Variants in NR2C2 observed in about 807,000 individuals in gnomAD.
NR2C2 encodes the protein Nuclear hormone receptor TR4.
Under a neutral mutation model 62.9 loss-of-function variants are expected in NR2C2, and 6 were observed. The observed-to-expected ratio is 0.10, with a 90% CI of 0.05 to 0.19. NR2C2 has a LOEUF of 0.19. Ranked by LOEUF, NR2C2 falls within the 10% of genes least tolerant of loss-of-function variation. The probability of loss-of-function intolerance (pLI) is 1.00; values close to 1 mark genes in which losing one functional copy is unlikely to be tolerated. For synonymous variants in NR2C2, 272 were observed against 273.8 expected, an observed-to-expected ratio of 0.99 and a Z score of 0.07; for missense variants, 479 against 762.7, an observed-to-expected ratio of 0.63 and a Z score of 4.38.
chr3:14,978,568 C>T (rs1010057976), intron 1 of NR2C2, among the ~76,000 whole-genome samples: 4 of 152,124 alleles, frequency 2.6e-5, no homozygotes, highest in African/African-American at 9.7e-5. Context: ...GAAACCTATT[C>T]AGTTTTTTCC....
chr3:14,990,791 C>T (rs2040649193), intron 1 of NR2C2, among the ~76,000 whole-genome samples: 1 of 152,176 alleles, frequency 6.6e-6, no homozygotes, highest in Non-Finnish European at 1.5e-5. Context: ...TTTCAGTAGT[C>T]ACTTATTTTT....
intron 1 of NR2C2, among the ~76,000 whole-genome samples, chr3:14,956,826 C>A (rs1379990182): frequency 6.6e-6 from 1 of 152,242 alleles, no homozygotes; most frequent in Non-Finnish European, 1.5e-5. Context: ...CAGGCATGAG[C>A]CACCGCCCCG....
chr3:14,993,683 T>G (rs570918044), intron 1 of NR2C2, among the ~76,000 whole-genome samples: 1 of 152,106 alleles, frequency 6.6e-6, no homozygotes, highest in Non-Finnish European at 1.5e-5. Flanking sequence ...ATTTTCTGTT[T>G]AACCTGTCAC....
chr3:14,997,756 T>A (rs1367448538), intron 1 of NR2C2, among the ~76,000 whole-genome samples: 1 of 152,240 alleles, frequency 6.6e-6, no homozygotes, highest in Admixed American at 6.5e-5. Flanking sequence ...AATAGCCCAG[T>A]AATGAATTAA....
At chr3:15,035,666 G>A (rs923992766) in intron 11 of NR2C2, among the ~76,000 whole-genome samples, 7 of 152,202 alleles carry the variant, frequency 4.6e-5, no homozygotes, top group Non-Finnish European at 8.8e-5. Context: ...AGGCCAAGAC[G>A]GGGGATCACT....
At position 14,984,910 on chromosome 3, in the gene NR2C2, G is replaced by C. The variant is rs191788100; in HGVS notation, c.-39-18966G>C. On this transcript the variant is annotated intron_variant, in intron 1 of 13. Coordinates refer to ENST00000425241, the MANE Select transcript of NR2C2 (RefSeq NM_001291694.2). Reference sequence around the variant, plus strand: ...TCATATTCCTGCTTGCAGTGCAGGAGAGTTCTAGTTGCCCTACATCCTTGC... The same window carrying C: ...TCATATTCCTGCTTGCAGTGCAGGACAGTTCTAGTTGCCCTACATCCTTGC... Among the ~76,000 whole-genome samples the C allele has an allele frequency of 5.3e-5, 8 of 152,136 alleles. No homozygotes were observed. In the East Asian group the frequency reaches 1.5e-3, roughly 29 times the overall value.
intron 1 of NR2C2, chr3:14,959,099 T>C (rs1465774050): frequency 6.6e-6 from 1 of 152,274 alleles, no homozygotes; most frequent in African/African-American, 2.4e-5. Flanking sequence ...AACCATTTTC[T>C]GGTGGTACTT....
intron 2 of NR2C2, among the ~76,000 whole-genome samples, chr3:15,010,595 C>G (rs922728250): frequency 1.3e-5 from 2 of 151,740 alleles, no homozygotes; most frequent in African/African-American, 4.8e-5. Flanking sequence ...ACCTGTAGTC[C>G]CAGCTACTCT....
At position 14,987,845 on chromosome 3, in the gene NR2C2, C is replaced by G. The variant is rs551455539; in HGVS notation, c.-39-16031C>G. 2.2e-4 allele frequency among the ~76,000 whole-genome samples: 33 copies of G among 152,302 alleles called. 4 individuals carry two copies. Among genetic ancestry groups the G allele is most frequent in the South Asian group, 2.1e-3 (10 of 4,826 alleles). ...CACGTGCATATCATCTGGTTGTAAT[C>G]ACAGTGTGCATATAACTTTGTGTCT... On this transcript the variant is annotated intron_variant, in intron 1 of 13. Transcript: ENST00000425241.
At chr3:14,999,120 C>T (rs1235084711) in intron 1 of NR2C2, among the ~76,000 whole-genome samples, 6 of 152,186 alleles carry the variant, frequency 3.9e-5, no homozygotes, top group Non-Finnish European at 8.8e-5. Flanking sequence ...AGTTGGAGAC[C>T]AGCCTGACCA....
At chr3:15,003,505 C>T (rs1020859692) in intron 1 of NR2C2, among the ~76,000 whole-genome samples, 3 of 152,062 alleles carry the variant, frequency 2.0e-5, no homozygotes, top group East Asian at 1.9e-4. Context: ...GAGCCTTTCT[C>T]GGGAAACCAT....
Position 14,961,789 on chromosome 3 carries a change from C to G in NR2C2, c.-40+13883C>G, listed in dbSNP as rs1219342885. Among the ~76,000 whole-genome samples, 9 of 152,186 alleles carry G rather than the reference C, an allele frequency of 5.9e-5. No homozygotes were observed. The East Asian group carries it at 1.7e-3, about 29-fold the overall frequency. The stretch of plus-strand genomic sequence containing the variant: ...TGCTACTAGTAGAAAGCCGAATTAT[C>G]TGGTTTTGTAATTTAATGAGGACTT... On this transcript the variant is annotated intron_variant, in intron 1 of 13. Coordinates refer to ENST00000425241, the MANE Select transcript of NR2C2 (RefSeq NM_001291694.2).
rs1321367966 is a variant in NR2C2, at chr3:15,048,498, T to G, written c.*5490T>G. 6.6e-6 allele frequency: 1 copy of G among 152,652 alleles called. No individual in the cohort carries two copies. The highest frequency in any genetic ancestry group is 1.5e-5 in the Non-Finnish European group (1 of 68,052). 9.5% of individuals were successfully genotyped at this position (152,652 alleles called of 1,614,324 possible). On this transcript the variant is annotated 3_prime_UTR_variant, in exon 14 of 14. Transcript: ENST00000425241. ...ATAAATAATTTTGGTGTCTTGATAT[T>G]TATACATGCAAAATAGAAAAAAAAT...
chr3:14,959,006 G>C (rs537431133), intron 1 of NR2C2, among the ~76,000 whole-genome samples: 20 of 152,212 alleles, frequency 1.3e-4, no homozygotes, highest in Non-Finnish European at 2.5e-4. Flanking sequence ...TTGTGCTAGT[G>C]AAGATAGTTT....
At position 14,951,042 on chromosome 3, in the gene NR2C2, G is replaced by A. The variant is rs1170637822; in HGVS notation, c.-40+3136G>A. 2.0e-5 allele frequency among the ~76,000 whole-genome samples: 3 copies of A among 152,156 alleles called. No individual in the cohort carries two copies. In the East Asian group the frequency reaches 5.8e-4, roughly 29 times the overall value. The stretch of plus-strand genomic sequence containing the variant: ...TTATGATTGAATTACAAGTTTAAGT[G>A]CATGAAAGTTAATAAGTTCATATGT... On this transcript the variant is annotated intron_variant, in intron 1 of 13. Coordinates refer to ENST00000425241, the MANE Select transcript of NR2C2 (RefSeq NM_001291694.2).
intron 1 of NR2C2, among the ~76,000 whole-genome samples, chr3:14,961,619 A>G (rs889867383): frequency 2.0e-5 from 3 of 152,234 alleles, no homozygotes. Flanking sequence ...TCTCATGACC[A>G]GAAGAGACTG....
chr3:15,029,792 A>AAGAG (rs2041918679), intron 8 of NR2C2, among the ~76,000 whole-genome samples: 1 of 139,194 alleles, frequency 7.2e-6, no homozygotes, highest in Non-Finnish European at 1.5e-5. Context: ...GTAAATAAAT[A>AAGAG]ATAGATAGAT....
intron 2 of NR2C2, among the ~76,000 whole-genome samples, chr3:15,010,174 G>A (rs2041309324): frequency 6.6e-6 from 1 of 152,138 alleles, no homozygotes; most frequent in African/African-American, 2.4e-5. Context: ...GCAATTTGAT[G>A]TGTCCTCTAG....
At position 14,953,852 on chromosome 3, in the gene NR2C2, G is replaced by A. The variant is rs902937365; in HGVS notation, c.-40+5946G>A. 6.9e-5 allele frequency among the ~76,000 whole-genome samples: 10 copies of A among 145,568 alleles called. No homozygotes were observed. In the South Asian group the frequency reaches 1.1e-3, roughly 16 times the overall value. ...GGAGGCTGCAGTGAACCAAGATCAC[G>A]CCACTGCACTCCAGCCTGGGCGACA... On this transcript the variant is annotated intron_variant, in intron 1 of 13. Transcript: ENST00000425241.
Sources: allele counts gnomAD v4.1 joint callset (sites outside exome capture counted in the v4.1 genomes callset), GRCh38; gene constraint gnomAD v4.1.1; transcripts MANE v1.5; gene names NCBI Gene and HGNC (gene_info 2026-07-23, HGNC 2026-07-21).